TOPAZ1: variants seen among roughly 807,000 people sequenced by gnomAD.
The protein encoded by TOPAZ1 is testis and ovary specific TOPAZ 1.
Under a neutral mutation model 172.2 loss-of-function variants are expected in TOPAZ1, and 66 were observed. The observed-to-expected ratio is 0.38, with a 90% CI of 0.31 to 0.47. The LOEUF (loss-of-function observed/expected upper bound fraction) is 0.47. TOPAZ1 is among the 20% of genes least tolerant of loss of function. TOPAZ1 has a pLI of 0.99. For missense variants in TOPAZ1, 1,822 were observed against 1,972.4 expected (o/e 0.92, Z 1.44); for synonymous variants, 681 against 683.9 (o/e 1.00, Z 0.07).
At chr3:44,275,367 T>A (rs909943874) in intron 8 of TOPAZ1, among the ~76,000 whole-genome samples, 4 of 152,064 alleles carry the variant, frequency 2.6e-5, no homozygotes, top group Admixed American at 1.3e-4. Context: ...CTACACATTC[T>A]TCCCAGCCTC....
In TOPAZ1 at chr3:44,287,555, AAT is replaced by A. The variant is rs1490398825; in HGVS notation, c.3588+20_3588+21del. On this transcript the variant is annotated intron_variant, in intron 10 of 19. Coordinates refer to ENST00000309765, the MANE Select transcript of TOPAZ1 (RefSeq NM_001145030.2). ...TTAAAATGCTGGTAAGTAGCCTGAAAATATATGTTATTTTAATATTTTATGTT... is the reference window on the plus strand; with the variant it reads ...TTAAAATGCTGGTAAGTAGCCTGAAAATATGTTATTTTAATATTTTATGTT... The A allele has an allele frequency of 4.4e-5, 63 of 1,422,272 alleles. No individual in the cohort carries two copies. Among genetic ancestry groups the A allele is most frequent in the Non-Finnish European group, 5.7e-5 (61 of 1,075,988 alleles). 88.1% of individuals were successfully genotyped at this position (1,422,272 alleles called of 1,614,324 possible). A position where few individuals can be genotyped will look rare whatever the true frequency, so the allele number is the denominator to read the frequency against.
intron 1 of TOPAZ1, 122 bp downstream of exon 1, chr3:44,242,521 G>A (rs919746083): frequency 2.8e-6 from 3 of 1,085,966 alleles, no homozygotes; most frequent in Non-Finnish European, 2.7e-6. Context: ...TAGTTGACCA[G>A]GAGATGGGAA....
intron 6 of TOPAZ1, among the ~76,000 whole-genome samples, chr3:44,267,810 C>T (rs888541541): frequency 1.2e-4 from 18 of 152,066 alleles, no homozygotes; most frequent in Admixed American, 4.6e-4. Context: ...CATTGTATAG[C>T]ACACACCTAA....
chr3:44,317,484 C>G (rs909483571), intron 16 of TOPAZ1, among the ~76,000 whole-genome samples: 9 of 152,140 alleles, frequency 5.9e-5, no homozygotes, highest in African/African-American at 2.2e-4. Context: ...GATACTCCCC[C>G]ATTTTAGTAT....
chr3:44,301,770 A>G (rs6768536), intron 12 of TOPAZ1, among the ~76,000 whole-genome samples: 1,756 of 152,172 alleles, frequency 0.012, 38 homozygotes, highest in African/African-American at 0.04. Context: ...TTTGTAGTAT[A>G]TATTAGTATA....
chr3:44,315,571 C>G (rs1339920758), intron 16 of TOPAZ1, among the ~76,000 whole-genome samples: 1 of 146,714 alleles, frequency 6.8e-6, no homozygotes, highest in African/African-American at 2.5e-5. Flanking sequence ...AGGGTTTCTC[C>G]ATGTTGGTCA....
At chr3:44,310,956 G>A (rs1441273943) in intron 16 of TOPAZ1, among the ~76,000 whole-genome samples, 2 of 152,190 alleles carry the variant, frequency 1.3e-5, no homozygotes, top group Non-Finnish European at 2.9e-5. Flanking sequence ...CGATACTAAT[G>A]AAGCTAATGA....
Position 44,244,956 on chromosome 3 carries a change from A to G in TOPAZ1, c.2450A>G (p.Lys817Arg), listed in dbSNP as rs540807772. ...TCTTGTGATCCTGGGTATGTAGAGA[A>G]AAGTCCTTCCTTCTGCTGTAATGAA... ...AFSCDPGYVEKSPSFCCNEQE... is the reference protein window; with the variant it reads ...AFSCDPGYVERSPSFCCNEQE... The change falls in exon 2 of 20, where the codon AAA becomes AGA. Residue 817 changes from lysine to arginine, a missense_variant. Physicochemically the swap from Lys to Arg is conservative, Grantham distance 26. Around this residue, in one of 2 missense-constraint regions of TOPAZ1, gnomAD observed 1,489 missense variants for 1,490.8 expected, o/e 1.00. Transcript: ENST00000309765. 6.4e-7 allele frequency: 1 copy of G among 1,551,666 alleles called. No homozygotes were observed. Among genetic ancestry groups the G allele is most frequent in the Non-Finnish European group, 8.7e-7 (1 of 1,147,018 alleles).
intron 9 of TOPAZ1, among the ~76,000 whole-genome samples, chr3:44,283,182 C>A (rs1700041535): frequency 6.6e-6 from 1 of 152,034 alleles, no homozygotes; most frequent in African/African-American, 2.4e-5. Context: ...AAAATAAGCA[C>A]CTGTAGCATA....
At chr3:44,310,916 A>G (rs367546540) in intron 16 of TOPAZ1, among the ~76,000 whole-genome samples, 1 of 152,232 alleles carries the variant, frequency 6.6e-6, no homozygotes, top group East Asian at 1.9e-4. Flanking sequence ...GTTTGGTATG[A>G]GAAAAATTAA....
At chr3:44,298,177 G>C (rs1700220591) in intron 12 of TOPAZ1, among the ~76,000 whole-genome samples, 1 of 152,110 alleles carries the variant, frequency 6.6e-6, no homozygotes, top group African/African-American at 2.4e-5. Context: ...TTTTAAAAAA[G>C]AATAGGCTGG....
At position 44,245,195 on chromosome 3, in the gene TOPAZ1, G is replaced by A. The variant is rs910629359; in HGVS notation, c.2689G>A (p.Val897Ile). 3.9e-6 allele frequency: 6 copies of A among 1,551,624 alleles called. No homozygotes were observed. In the Admixed American group the frequency reaches 1.2e-4, roughly 30 times the overall value. The change falls in exon 2 of 20, where the codon GTT becomes ATT. Residue 897 changes from valine to isoleucine, a missense_variant. By Grantham distance (29) the Val-to-Ile change is conservative. This residue lies in a region of TOPAZ1 where 1,489 missense variants were observed against 1,490.8 expected (regional missense o/e 1.00). Coordinates refer to ENST00000309765, the MANE Select transcript of TOPAZ1 (RefSeq NM_001145030.2). The stretch of plus-strand genomic sequence containing the variant: ...CCCAAAGATAAGCCAGGAGCCCAAT[G>A]TTGCTGGAGAGCACCAATCAACAGA... Reference protein sequence around the residue: ...EVPKISQEPNVAGEHQSTDSK... With the variant: ...EVPKISQEPNIAGEHQSTDSK...
intron 19 of TOPAZ1, among the ~76,000 whole-genome samples, chr3:44,330,620 C>T (rs561904595): frequency 2.0e-5 from 3 of 152,182 alleles, no homozygotes; most frequent in Non-Finnish European, 4.4e-5. Context: ...GTTTCAAGTG[C>T]AAGTCCTCAC....
At chr3:44,286,996 CAT>C (rs1192771982) in intron 9 of TOPAZ1, among the ~76,000 whole-genome samples, 1 of 152,126 alleles carries the variant, frequency 6.6e-6, no homozygotes, top group African/African-American at 2.4e-5. Context: ...AAGCAACAAG[CAT>C]GGGTATGTGT....
intron 12 of TOPAZ1, among the ~76,000 whole-genome samples, chr3:44,292,084 T>C (rs1700144091): frequency 6.6e-6 from 1 of 152,248 alleles, no homozygotes. Flanking sequence ...GAGTTTGCCA[T>C]TGTGCCCTAG....
intron 12 of TOPAZ1, among the ~76,000 whole-genome samples, chr3:44,296,847 C>CAAAAAAAAAAAAAA (rs141080618): frequency 4.4e-4 from 46 of 104,738 alleles, no homozygotes; most frequent in Admixed American, 5.7e-4. Flanking sequence ...CAGAGAATAC[C>CAAAAAAAAAAAAAA]AAAAAAAAAA....
intron 16 of TOPAZ1, among the ~76,000 whole-genome samples, chr3:44,318,488 G>A (rs1391533590): frequency 6.6e-6 from 1 of 151,296 alleles, no homozygotes; most frequent in African/African-American, 2.4e-5. Flanking sequence ...GGGCCACGGT[G>A]GGGGGTGGGG....
At chr3:44,262,124 T>C (rs975695474) in intron 4 of TOPAZ1, among the ~76,000 whole-genome samples, 7 of 152,138 alleles carry the variant, frequency 4.6e-5, no homozygotes, top group East Asian at 3.8e-4. Context: ...AAAAAGAAAC[T>C]CAACTTTAGT....
In TOPAZ1 at chr3:44,324,047, A is replaced by G. The variant is rs933989784; in HGVS notation, c.4675+752A>G. ...AAATGTGTCAAATATCCTAGCCACTACTACCTGAGCTGGAAGTGTTTTTCA... is the reference window on the plus strand; with the variant it reads ...AAATGTGTCAAATATCCTAGCCACTGCTACCTGAGCTGGAAGTGTTTTTCA... On this transcript the variant is annotated intron_variant, in intron 18 of 19. Coordinates refer to ENST00000309765, the MANE Select transcript of TOPAZ1 (RefSeq NM_001145030.2). Among the ~76,000 whole-genome samples, 7 of 152,298 alleles carry G rather than the reference A, an allele frequency of 4.6e-5. No homozygotes were observed. In the South Asian group the frequency reaches 1.4e-3, roughly 32 times the overall value.
Sources: gnomAD v4.1 joint callset for allele counts (sites outside exome capture counted in the v4.1 genomes callset) on GRCh38, gnomAD v4.1.1 for gene constraint, gnomAD v4.1.1 regional missense constraint, MANE v1.5 for transcripts, NCBI Gene and HGNC (gene_info 2026-07-23, HGNC 2026-07-21) for gene names.